BUB1B: variants seen among roughly 807,000 people sequenced by gnomAD.
The protein encoded by BUB1B is BUB1 mitotic checkpoint serine/threonine kinase B.
Under a neutral mutation model 137.7 loss-of-function variants are expected in BUB1B, and 86 were observed. The observed-to-expected ratio is 0.62, with a 90% CI of 0.52 to 0.75. The LOEUF is 0.75. BUB1B is among the 30% of genes least tolerant of loss of function. The pLI, the probability that BUB1B is intolerant of heterozygous loss-of-function variation, is 0.00. For missense variants in BUB1B, 1,130 were observed against 1,236.9 expected, an observed-to-expected ratio of 0.91 and a Z score of 1.30; for synonymous variants, 420 against 417.9, an observed-to-expected ratio of 1.00 and a Z score of -0.06.
At chr15:40,203,395 G>A (rs866031204) in intron 14 of BUB1B, among the ~76,000 whole-genome samples, 7 of 152,126 alleles carry the variant, frequency 4.6e-5, no homozygotes, top group Admixed American at 3.9e-4. Context: ...AGAGGGTGGT[G>A]GAGAGTGACT....
intron 20 of BUB1B, among the ~76,000 whole-genome samples, chr15:40,216,557 ATATATATATATATAT>A (rs1361032521): frequency 2.6e-5 from 2 of 77,202 alleles, no homozygotes; most frequent in African/African-American, 1.2e-4. Context: ...CTATATATAT[ATATATATATATATAT>A]TTTTTTTTTT....
chr15:40,179,753 C>G (rs963072902), intron 5 of BUB1B, among the ~76,000 whole-genome samples: 11 of 151,708 alleles, frequency 7.3e-5, no homozygotes, highest in African/African-American at 2.7e-4. Context: ...TGGCTTTTTG[C>G]CTCTTACAAC....
In BUB1B at chr15:40,217,593, AC is replaced by A; in HGVS notation, c.2779del (p.Leu927SerfsTer25). The A allele has an allele frequency of 6.2e-7, 1 of 1,614,036 alleles. No individual in the cohort carries two copies. Among genetic ancestry groups the A allele is most frequent in the Non-Finnish European group, 8.5e-7 (1 of 1,179,998 alleles). ...VDLRVQLDVFTLSGFRTVQIL... is the reference protein window; with the variant it reads ...VDLRVQLDVFXLSGFRTVQIL... ...CCTTAGGGTGCAGCTGGATGTTTTTACCCTCAGCGGCTTTCGGACTGTACAG... is the reference window on the plus strand; with the variant it reads ...CCTTAGGGTGCAGCTGGATGTTTTTACCTCAGCGGCTTTCGGACTGTACAG... On this transcript the variant is annotated frameshift_variant, in exon 21 of 23. Transcript: ENST00000287598. LOFTEE classifies it high-confidence loss of function.
At position 40,209,632 on chromosome 15, in the gene BUB1B, C is replaced by CA. The variant is rs751700846; in HGVS notation, c.2144-2dup. 1.9e-6 allele frequency: 3 copies of CA among 1,614,032 alleles called. No homozygotes were observed. In the Admixed American group the frequency reaches 5.0e-5, roughly 27 times the overall value. Reference sequence around the variant, plus strand: ...TATTTTCACCTTTCCCTCCCACTGGCAGAAAACCCTACTCAGTCACCATGG... The same window carrying CA: ...TATTTTCACCTTTCCCTCCCACTGGCAAGAAAACCCTACTCAGTCACCATGG... On this transcript the variant is annotated splice_region_variant and splice_polypyrimidine_tract_variant and intron_variant, in intron 16 of 22. Coordinates refer to ENST00000287598, the MANE Select transcript of BUB1B (RefSeq NM_001211.6).
In BUB1B at chr15:40,209,745, A is replaced by T; in HGVS notation, c.2254A>T (p.Lys752Ter). 6.2e-7 allele frequency: 1 copy of T among 1,614,150 alleles called. No individual in the cohort carries two copies. The highest frequency in any genetic ancestry group is 8.5e-7 in the Non-Finnish European group (1 of 1,180,022). ...GTGTATAGAAGACAGACCAATGCCT[A>T]AGTTGGAAATTGAGAAGGAAATTGA... is the stretch of plus-strand genomic sequence containing the variant. The part of the protein sequence containing the change: ...ELCIEDRPMP[K>*]LEIEKEIELG... The change falls in exon 17 of 23, where the codon AAG becomes TAG. Residue 752 changes from lysine to a stop codon, truncating the protein, a stop_gained. Transcript: ENST00000287598. LOFTEE classifies it high-confidence loss of function.
rs192418968 is a variant in BUB1B at position 40,194,482 on chromosome 15, C to T, written c.1059-2063C>T. Among the ~76,000 whole-genome samples, 4 of 152,228 alleles carry T rather than the reference C, an allele frequency of 2.6e-5. No homozygotes were observed. In the East Asian group the frequency reaches 7.7e-4, roughly 29 times the overall value. On this transcript the variant is annotated intron_variant, in intron 8 of 22. Transcript: ENST00000287598. ...GTTAGTGTGGGTTTTTCATAGATGT[C>T]CTCTAGCAGGTTGAGCAAGTTGGGG...
rs191905520 is a variant in BUB1B, at chr15:40,174,348, T to G, written c.385-2129T>G. 1.2e-4 allele frequency among the ~76,000 whole-genome samples: 19 copies of G among 152,350 alleles called. No individual in the cohort carries two copies. In the East Asian group the frequency reaches 3.5e-3, roughly 28 times the overall value. Reference sequence around the variant, plus strand: ...TCCATTTACTGAATTACTGCAAAATTAAACTATAAAATACTAATTATTTTT... The same window carrying G: ...TCCATTTACTGAATTACTGCAAAATGAAACTATAAAATACTAATTATTTTT... On this transcript the variant is annotated intron_variant, in intron 4 of 22. Transcript: ENST00000287598.
At chr15:40,210,430 A>C (rs2037696532) in intron 18 of BUB1B, among the ~76,000 whole-genome samples, 1 of 151,396 alleles carries the variant, frequency 6.6e-6, no homozygotes, top group African/African-American at 2.4e-5. Context: ...CACAATCACC[A>C]CACACAATCA....
rs893593630 is a variant in BUB1B, at chr15:40,202,653, G to A, written c.1693G>A (p.Glu565Lys). 3 of 1,614,000 alleles carry A rather than the reference G, an allele frequency of 1.9e-6. No individual in the cohort carries two copies. Among genetic ancestry groups the A allele is most frequent in the African/African-American group, 2.7e-5 (2 of 74,912 alleles). ...RRPLAVLKTSESITSNEDVSP... is the reference protein window; with the variant it reads ...RRPLAVLKTSKSITSNEDVSP... ...ACCCCTTGCAGTTCTCAAAACCTCA[G>A]AAAGCATCACCTCAAATGAAGATGT... Residue 565 changes from glutamate to lysine, a missense_variant, in exon 14 of 23, where the codon GAA becomes AAA. Transcript: ENST00000287598.
chr15:40,186,430 C>CTTTTTTTTTTTTT (rs769074759), intron 8 of BUB1B, among the ~76,000 whole-genome samples: 3 of 67,356 alleles, frequency 4.5e-5, no homozygotes, highest in Non-Finnish European at 7.8e-5. Context: ...TTGCCTAGTT[C>CTTTTTTTTTTTTT]TTTTTTTTTT....
At chr15:40,187,810 A>G (rs1198884364) in intron 8 of BUB1B, among the ~76,000 whole-genome samples, 1 of 151,824 alleles carries the variant, frequency 6.6e-6, no homozygotes, top group Non-Finnish European at 1.5e-5. Flanking sequence ...TTGGGAGGCT[A>G]GGGATCACTT....
At chr15:40,166,116 G>GCACCTTGGCC (rs1566814819) in intron 2 of BUB1B, among the ~76,000 whole-genome samples, 1 of 152,168 alleles carries the variant, frequency 6.6e-6, no homozygotes, top group Non-Finnish European at 1.5e-5. Flanking sequence ...GCATCCCAAA[G>GCACCTTGGCC]TGCTGGGATT....
At chr15:40,208,865 C>CA in intron 16 of BUB1B, 95 bp downstream of exon 16, 1 of 1,277,610 alleles carries the variant, frequency 7.8e-7, no homozygotes, top group Non-Finnish European at 1.1e-6. Flanking sequence ...GACAGGGTCT[C>CA]ACTCTGTCAC....
chr15:40,210,538 C>T (rs536605201), intron 18 of BUB1B, among the ~76,000 whole-genome samples: 7 of 152,174 alleles, frequency 4.6e-5, no homozygotes, highest in African/African-American at 1.4e-4. Context: ...TTAAAGGACA[C>T]GGTCTCTGTC....
At chr15:40,168,070 G>GAA (rs752372089) in intron 2 of BUB1B, among the ~76,000 whole-genome samples, 11 of 88,226 alleles carry the variant, frequency 1.2e-4, no homozygotes, top group African/African-American at 3.2e-4. Context: ...TACTGAAAAA[G>GAA]AAAAAAAAAA....
chr15:40,181,119 T>C (rs1169726962), intron 5 of BUB1B, among the ~76,000 whole-genome samples: 1 of 149,160 alleles, frequency 6.7e-6, no homozygotes, highest in Non-Finnish European at 1.5e-5. Flanking sequence ...TTAGACAGAG[T>C]CTAGCTCTGT....
intron 18 of BUB1B, 83 bp downstream of exon 18, chr15:40,210,293 C>A (rs974378002): frequency 8.5e-6 from 9 of 1,054,618 alleles, no homozygotes; most frequent in Non-Finnish European, 1.0e-5. Flanking sequence ...ACCATCAAAT[C>A]TTTCTAATAA....
rs770704003 is a variant in BUB1B, at chr15:40,200,295, G to C, written c.1453G>C (p.Glu485Gln). The C allele has an allele frequency of 1.9e-6, 3 of 1,613,784 alleles. No homozygotes were observed. Among genetic ancestry groups the C allele is most frequent in the Admixed American group, 3.3e-5 (2 of 59,976 alleles). Residue 485 changes from glutamate (E) to glutamine (Q), a missense_variant, in exon 11 of 23, where the codon GAG (glutamate) becomes CAG (glutamine). Coordinates refer to ENST00000287598, the MANE Select transcript of BUB1B (RefSeq NM_001211.6). ...GACAACTAAACTGCAAATTGCTTCC[G>C]AGTCTCAGAAAATACCAGGAATGAC... ...KETTKLQIAS[E>Q]SQKIPGMTLS...
intron 20 of BUB1B, among the ~76,000 whole-genome samples, chr15:40,216,897 A>C (rs1343551356): frequency 6.6e-6 from 1 of 152,112 alleles, no homozygotes; most frequent in Non-Finnish European, 1.5e-5. Flanking sequence ...AAATTAATTG[A>C]TAATTAATTA....
Sources: gnomAD v4.1 joint callset for allele counts (sites outside exome capture counted in the v4.1 genomes callset) on GRCh38, gnomAD v4.1.1 for gene constraint, MANE v1.5 for transcripts, NCBI Gene and HGNC (gene_info 2026-07-23, HGNC 2026-07-21) for gene names.